The following RBFOX1 variants were observed in gnomAD, a reference collection of about 807,000 sequenced individuals.
RBFOX1 encodes RNA binding protein fox-1 homolog 1.
RBFOX1 carries 8 observed loss-of-function variants against 57.7 expected under a neutral mutation model. That is an observed-to-expected ratio of 0.14 (90% confidence interval 0.08 to 0.25). RBFOX1 has a LOEUF of 0.25. Among genes scored for constraint, RBFOX1 ranks in the 10% least tolerant of loss-of-function variants. The pLI, the probability that RBFOX1 is intolerant of heterozygous loss-of-function variation, is 1.00. For synonymous variants in RBFOX1, 326 were observed against 222.4 expected (o/e 1.47, Z -4.15); for missense variants, 611 against 548.5 (o/e 1.11, Z -1.14).
intron 4 of RBFOX1, among the ~76,000 whole-genome samples, chr16:5,969,766 C>T (rs1169710766): frequency 4.6e-5 from 7 of 152,032 alleles, no homozygotes; most frequent in African/African-American, 1.4e-4. Flanking sequence ...TGTCTGTCCC[C>T]TCCTCCTCAC....
rs187234816 is a variant in RBFOX1, at chr16:6,846,129, A to G, written c.-16+191479A>G. Among the ~76,000 whole-genome samples, 9 of 152,278 alleles carry G rather than the reference A, an allele frequency of 5.9e-5. No individual in the cohort carries two copies. The East Asian group carries it at 1.4e-3, about 23-fold the overall frequency. On this transcript the variant is annotated intron_variant, in intron 3 of 15. Coordinates refer to ENST00000550418, the MANE Select transcript of RBFOX1 (RefSeq NM_018723.4). ...TATAGTCTTTGTTTTTCATTCGTAT[A>G]TCAGACTTGTTGCCTAGCCCAGAGC...
In RBFOX1 at chr16:7,423,400, G is replaced by C. The variant is rs570263816; in HGVS notation, c.28-94747G>C. Among the ~76,000 whole-genome samples, 20 of 152,156 alleles carry C rather than the reference G, an allele frequency of 1.3e-4. No individual in the cohort carries two copies. The South Asian group carries it at 3.7e-3, about 28-fold the overall frequency. ...GCAGGGGAGATAATGACTGGTAATT[G>C]CAAGCTGTCATACTAAAAGATATTT... On this transcript the variant is annotated intron_variant, in intron 4 of 15. Coordinates refer to ENST00000550418, the MANE Select transcript of RBFOX1 (RefSeq NM_018723.4).
chr16:7,533,814 A>T (rs1453182020), intron 5 of RBFOX1, among the ~76,000 whole-genome samples: 1 of 152,234 alleles, frequency 6.6e-6, no homozygotes, highest in Non-Finnish European at 1.5e-5. Context: ...CAAAAGCAGG[A>T]TTAGTAAATA....
intron 13 of RBFOX1, among the ~76,000 whole-genome samples, chr16:7,667,352 C>A (rs966101079): frequency 6.6e-6 from 1 of 152,192 alleles, no homozygotes; most frequent in Non-Finnish European, 1.5e-5. Context: ...TAAATATGTT[C>A]TGCACCACAG....
chr16:7,380,385 C>A (rs535289714), intron 4 of RBFOX1, among the ~76,000 whole-genome samples: 2 of 152,122 alleles, frequency 1.3e-5, no homozygotes, highest in Non-Finnish European at 2.9e-5. Context: ...ACATTTAGAA[C>A]ATATATGCTT....
rs1181957491 is a variant in RBFOX1 at position 6,049,575 on chromosome 16, TC to T, written c.-127+29585del. Among the ~76,000 whole-genome samples the T allele has an allele frequency of 5.3e-5, 8 of 151,376 alleles. No homozygotes were observed. The East Asian group carries it at 1.5e-3, about 29-fold the overall frequency. On this transcript the variant is annotated intron_variant, in intron 1 of 15. Transcript: ENST00000550418. ...TCTCTAAAGGATAAGAAGGTTTTTTTCCTAACACCTGTAATATCTACTAACA... is the reference window on the plus strand; with the variant it reads ...TCTCTAAAGGATAAGAAGGTTTTTTTCTAACACCTGTAATATCTACTAACA...
intron 11 of RBFOX1, among the ~76,000 whole-genome samples, chr16:7,652,608 G>A (rs562829696): frequency 6.6e-5 from 10 of 152,114 alleles, no homozygotes; most frequent in South Asian, 2.1e-4. Context: ...GGGTTTCACC[G>A]TATTGGCCAG....
chr16:6,347,787 G>GA (rs1171545337), intron 2 of RBFOX1, among the ~76,000 whole-genome samples: 1 of 152,164 alleles, frequency 6.6e-6, no homozygotes, highest in Non-Finnish European at 1.5e-5. Context: ...GTCTACCTGC[G>GA]ACTGCCTGGC....
chr16:7,006,369 G>T (rs189836915), intron 3 of RBFOX1, among the ~76,000 whole-genome samples: 1 of 152,052 alleles, frequency 6.6e-6, no homozygotes, highest in Non-Finnish European at 1.5e-5. Context: ...TGGCCAGGAT[G>T]GTCTCGATTT....
intron 2 of RBFOX1, among the ~76,000 whole-genome samples, chr16:6,366,475 C>G (rs550266022): frequency 2.6e-4 from 40 of 152,168 alleles, no homozygotes; most frequent in Middle Eastern, 3.4e-3. Context: ...CCAGAATAAG[C>G]CAAAATATAA....
intron 4 of RBFOX1, among the ~76,000 whole-genome samples, chr16:7,169,581 A>C (rs1430282539): frequency 6.6e-6 from 1 of 152,340 alleles, no homozygotes; most frequent in East Asian, 1.9e-4. Flanking sequence ...TGCATCTTCA[A>C]CACATTCCTA....
intron 3 of RBFOX1, among the ~76,000 whole-genome samples, chr16:6,979,423 A>G (rs2088042585): frequency 1.3e-5 from 2 of 152,194 alleles, no homozygotes; most frequent in South Asian, 4.1e-4. Flanking sequence ...AAGTTGAAGA[A>G]AGTCCTTTGA....
intron 2 of RBFOX1, among the ~76,000 whole-genome samples, chr16:5,485,667 A>G (rs910991515): frequency 1.8e-4 from 27 of 152,234 alleles, no homozygotes; most frequent in Non-Finnish European, 3.8e-4. Flanking sequence ...TAACTTGTCC[A>G]GGCAGCCTGA....
At chr16:7,205,244 G>C (rs149852510) in intron 4 of RBFOX1, among the ~76,000 whole-genome samples, 1 of 152,068 alleles carries the variant, frequency 6.6e-6, no homozygotes, top group Non-Finnish European at 1.5e-5. Flanking sequence ...TGGGCGGGGC[G>C]TGGCGGCTCA....
At chr16:7,196,927 G>T (rs2086848629) in intron 4 of RBFOX1, among the ~76,000 whole-genome samples, 1 of 152,190 alleles carries the variant, frequency 6.6e-6, no homozygotes, top group African/African-American at 2.4e-5. Flanking sequence ...GTGCAGAGGG[G>T]AAGTTGGGTT....
intron 3 of RBFOX1, among the ~76,000 whole-genome samples, chr16:5,671,057 T>C (rs2049998791): frequency 1.3e-5 from 2 of 152,340 alleles, no homozygotes; most frequent in South Asian, 4.1e-4. Flanking sequence ...CATCAGCAAA[T>C]GCTGGGTGCT....
intron 12 of RBFOX1, among the ~76,000 whole-genome samples, chr16:7,660,993 T>C (rs1044104507): frequency 7.2e-5 from 11 of 152,204 alleles, no homozygotes; most frequent in African/African-American, 2.4e-4. Context: ...GGGGGTATTC[T>C]AAGGACTGAG....
At chr16:6,043,507 A>C (rs1022310613) in intron 1 of RBFOX1, among the ~76,000 whole-genome samples, 16 of 152,176 alleles carry the variant, frequency 1.1e-4, no homozygotes, top group African/African-American at 3.6e-4. Flanking sequence ...TTGTCAGTCT[A>C]ATGATTTCTA....
intron 2 of RBFOX1, among the ~76,000 whole-genome samples, chr16:5,534,550 G>A (rs2044619953): frequency 6.6e-6 from 1 of 152,310 alleles, no homozygotes; most frequent in African/African-American, 2.4e-5. Context: ...TGGAAGGGCT[G>A]AAAGCAACCA....
Sources: allele counts gnomAD v4.1 joint callset (sites outside exome capture counted in the v4.1 genomes callset), GRCh38; gene constraint gnomAD v4.1.1; transcripts MANE v1.5; gene names NCBI Gene and HGNC (gene_info 2026-07-23, HGNC 2026-07-21).